The following WNK2 variants were observed in gnomAD, a reference collection of about 807,000 sequenced individuals.
WNK2 encodes serine/threonine-protein kinase WNK2.
WNK2 carries 67 observed loss-of-function variants against 192.1 expected under a neutral mutation model. The observed-to-expected ratio is 0.35, with a 90% CI of 0.29 to 0.43. The LOEUF (loss-of-function observed/expected upper bound fraction) is 0.43. Ranked by LOEUF, WNK2 falls within the 20% of genes least tolerant of loss-of-function variation. The pLI is 1.00. For missense variants in WNK2, 2,698 were observed against 3,089.7 expected, an observed-to-expected ratio of 0.87 and a Z score of 3.01; for synonymous variants, 1,439 against 1,393.9, an observed-to-expected ratio of 1.03 and a Z score of -0.72.
intron 7 of WNK2, among the ~76,000 whole-genome samples, chr9:93,246,472 T>C (rs544123069): frequency 2.0e-4 from 31 of 152,230 alleles, no homozygotes; most frequent in Non-Finnish European, 3.5e-4. Context: ...AGTCTGTCTG[T>C]GTTTATTCAC....
At chr9:93,315,012 G>C (rs1057121622) in intron 28 of WNK2, among the ~76,000 whole-genome samples, 1 of 152,154 alleles carries the variant, frequency 6.6e-6, no homozygotes, top group African/African-American at 2.4e-5. Flanking sequence ...CATCCCAAAA[G>C]CTGTTGCCAC....
intron 18 of WNK2, among the ~76,000 whole-genome samples, 187 bp from the exon 19 acceptor site, chr9:93,268,440 G>A (rs986867738): frequency 2.6e-5 from 4 of 152,206 alleles, no homozygotes; most frequent in African/African-American, 7.2e-5. Flanking sequence ...CCTGCTTCGT[G>A]GAGGGAAGCG....
intron 2 of WNK2, among the ~76,000 whole-genome samples, chr9:93,218,130 C>T (rs977716479): frequency 6.6e-6 from 1 of 152,162 alleles, no homozygotes; most frequent in African/African-American, 2.4e-5. Flanking sequence ...AGCCTTTGAA[C>T]CCTGTGTGGG....
chr9:93,227,263 G>C (rs1482114586), intron 2 of WNK2, among the ~76,000 whole-genome samples: 1 of 151,946 alleles, frequency 6.6e-6, no homozygotes, highest in Non-Finnish European at 1.5e-5. Flanking sequence ...ACAGGCGCCC[G>C]CCACCACGCC....
At chr9:93,315,254 G>A (rs1854423842) in intron 28 of WNK2, among the ~76,000 whole-genome samples, 2 of 152,162 alleles carry the variant, frequency 1.3e-5, no homozygotes, top group African/African-American at 4.8e-5. Context: ...CCCATTGAGT[G>A]GAAAGTCTGC....
chr9:93,287,073 T>C (rs529430582), intron 19 of WNK2, among the ~76,000 whole-genome samples: 4 of 152,364 alleles, frequency 2.6e-5, no homozygotes, highest in Admixed American at 2.6e-4. Context: ...GAGTAAGCTC[T>C]AGAGCTTTGC....
At position 93,293,174 on chromosome 9, in the gene WNK2, G is replaced by T; in HGVS notation, c.5708+1G>T. On this transcript the variant is annotated splice_donor_variant, in intron 23 of 29. Transcript: ENST00000427277. LOFTEE classifies it high-confidence loss of function. ...AGGAGCTGCAGAGTCTGCGGGAGAA[G>T]TAGGTCCTGCGGGCAGGAAGTGTTG... The T allele has an allele frequency of 6.7e-7, 1 of 1,492,008 alleles. No homozygotes were observed. The allele number at this position is 1,492,008 out of a possible 1,614,324, so 92.4% of individuals were successfully genotyped here. A position where few individuals can be genotyped will look rare whatever the true frequency, so the allele number is the denominator to read the frequency against.
chr9:93,263,536 G>A, intron 14 of WNK2, 30 bp from the exon 15 acceptor site: 2 of 1,608,464 alleles, frequency 1.2e-6, no homozygotes, highest in Non-Finnish European at 1.7e-6. Context: ...TTGTCCTTTG[G>A]TGCCATTAAT....
chr9:93,319,608 G>A (rs1855255911), intron 29 of WNK2, among the ~76,000 whole-genome samples: 1 of 152,234 alleles, frequency 6.6e-6, no homozygotes, highest in African/African-American at 2.4e-5. Context: ...AGGAGGCTTG[G>A]TTTGCATTAC....
chr9:93,188,182 A>G (rs1247850002), intron 2 of WNK2, among the ~76,000 whole-genome samples: 6 of 152,256 alleles, frequency 3.9e-5, no homozygotes, highest in African/African-American at 1.4e-4. Flanking sequence ...CTACTCCCGC[A>G]GCACCTGCAG....
chr9:93,300,511 GT>G (rs976774470), intron 26 of WNK2, among the ~76,000 whole-genome samples: 5 of 151,222 alleles, frequency 3.3e-5, no homozygotes, highest in Non-Finnish European at 5.9e-5. Context: ...GTTGGATGTA[GT>G]TTTTTTTTCT....
chr9:93,188,152 G>T (rs1829684882), intron 2 of WNK2, among the ~76,000 whole-genome samples: 1 of 152,142 alleles, frequency 6.6e-6, no homozygotes. Context: ...ATTGCTCTTG[G>T]CCTCTATCCC....
intron 15 of WNK2, 44 bp downstream of exon 15, chr9:93,263,778 A>G (rs530365995): frequency 0.013 from 3,148 of 236,074 alleles, 277 homozygotes; most frequent in African/African-American, 0.021. Context: ...GGGTGGGGGC[A>G]TGGTGGGGGT....
intron 2 of WNK2, among the ~76,000 whole-genome samples, chr9:93,192,870 C>A (rs576195050): frequency 1.3e-5 from 2 of 152,322 alleles, no homozygotes; most frequent in African/African-American, 4.8e-5. Context: ...TTGCCCCTCA[C>A]CTTCCAGGAC....
At chr9:93,290,644 C>T (rs1849198930) in intron 21 of WNK2, among the ~76,000 whole-genome samples, 1 of 152,198 alleles carries the variant, frequency 6.6e-6, no homozygotes, top group Admixed American at 6.5e-5. Flanking sequence ...CCAGCCCTTG[C>T]TTTTCTTCAG....
At chr9:93,207,777 C>G (rs1453775665) in intron 2 of WNK2, among the ~76,000 whole-genome samples, 6 of 152,380 alleles carry the variant, frequency 3.9e-5, no homozygotes, top group East Asian at 1.9e-4. Context: ...CACGCCCTCT[C>G]CAGGCGCTGT....
intron 8 of WNK2, among the ~76,000 whole-genome samples, chr9:93,249,650 A>AT (rs1327093619): frequency 6.7e-6 from 1 of 148,898 alleles, no homozygotes; most frequent in Non-Finnish European, 1.5e-5. Context: ...ATTTTTTTGT[A>AT]TTTTTAGTAG....
chr9:93,199,627 G>A (rs927608399), intron 2 of WNK2, among the ~76,000 whole-genome samples: 6 of 152,070 alleles, frequency 3.9e-5, no homozygotes, highest in Admixed American at 2.0e-4. Context: ...GGCCGGGTGC[G>A]GTGGCTCAGG....
rs755995512 is a variant in WNK2 at position 93,257,600 on chromosome 9, A to G, written c.2382+461A>G. On this transcript the variant is annotated intron_variant, in intron 11 of 29. Coordinates refer to ENST00000427277, the MANE Select transcript of WNK2 (RefSeq NM_006648.4). This position sits in a 1 kb window ranked among gnomAD's most constrained non-coding sequence, Gnocchi z 4.7. ...AAGGTTTGTTAGTCCAAGGTCGTGGACAGTCCTTGAAGTGGTTGCTGGGTT... is the reference window on the plus strand; with the variant it reads ...AAGGTTTGTTAGTCCAAGGTCGTGGGCAGTCCTTGAAGTGGTTGCTGGGTT... Among the ~76,000 whole-genome samples, 2 of 152,226 alleles carry G rather than the reference A, an allele frequency of 1.3e-5. No individual in the cohort carries two copies. The highest frequency in any genetic ancestry group is 2.9e-5 in the Non-Finnish European group (2 of 68,040).
Sources: gnomAD v4.1 joint callset for allele counts (sites outside exome capture counted in the v4.1 genomes callset) on GRCh38, gnomAD v4.1.1 for gene constraint, Gnocchi (gnomAD v3.1) non-coding constraint, MANE v1.5 for transcripts, NCBI Gene and HGNC (gene_info 2026-07-23, HGNC 2026-07-21) for gene names.